The following TMED5 variants were observed in gnomAD, a reference collection of about 807,000 sequenced individuals.
The protein encoded by TMED5 is transmembrane emp24 domain-containing protein 5.
A neutral mutation model predicts 23.0 loss-of-function variants in TMED5; 27 were observed. The ratio of observed to expected loss-of-function variants is 1.17; its 90% CI spans 0.86 to 1.62. The LOEUF is 1.62. Ranked by LOEUF, TMED5 falls within the 40% of genes most tolerant of loss-of-function variation. The pLI, the probability that TMED5 is intolerant of heterozygous loss-of-function variation, is 0.00. For synonymous variants in TMED5, 97 were observed against 100.8 expected (o/e 0.96, Z 0.23); for missense variants, 248 against 273.7 (o/e 0.91, Z 0.66).
Position 93,152,702 on chromosome 1 carries a change from A to AACCTATGAT in TMED5, c.*1967_*1968insATCATAGGT, listed in dbSNP as rs1647921487. 6.6e-6 allele frequency: 1 copy of AACCTATGAT among 152,564 alleles called. No individual in the cohort carries two copies. The highest frequency in any genetic ancestry group is 1.5e-5 in the Non-Finnish European group (1 of 68,004). 9.5% of individuals were successfully genotyped at this position (152,564 alleles called of 1,614,324 possible). On this transcript the variant is annotated 3_prime_UTR_variant, in exon 4 of 4. Transcript: ENST00000370282. ...CCATACAGGAGAGGTAGAATTCTTA[A>AACCTATGAT]TCACAGTTTTATAGAAAAGATGCAG...
intron 1 of TMED5, among the ~76,000 whole-genome samples, chr1:93,168,454 G>A (rs1648582129): frequency 6.6e-6 from 1 of 152,202 alleles, no homozygotes; most frequent in Admixed American, 6.5e-5. Flanking sequence ...GATATACCGT[G>A]TTAACACTAA....
chr1:93,161,342 T>TA (rs1235139039), intron 1 of TMED5: 1 of 152,092 alleles, frequency 6.6e-6, no homozygotes, highest in Non-Finnish European at 1.5e-5. Flanking sequence ...ATACAGCAAA[T>TA]AAGTGACATG....
chr1:93,157,537 G>C (rs1648115813), intron 2 of TMED5, among the ~76,000 whole-genome samples: 1 of 151,980 alleles, frequency 6.6e-6, no homozygotes, highest in Admixed American at 6.6e-5. Flanking sequence ...GATTAGCCTG[G>C]GCAAAAGTGA....
chr1:93,154,736 C>G lies in TMED5; in HGVS notation c.624G>C (p.Val208=). Residue 208 remains valine (V), a synonymous_variant, in exon 4 of 4, where the codon GTG becomes GTC. Coordinates refer to ENST00000370282, the MANE Select transcript of TMED5 (RefSeq NM_016040.5). ...GCATATAAACTTGAATGGCTGACAC[C>G]ACCACCATGACCACTAAATTAACCA... is the stretch of plus-strand genomic sequence containing the variant. ...WSMVNLVVMV[V]VSAIQVYMLK... is the part of the protein sequence containing the mutation. The G allele has an allele frequency of 1.9e-6, 3 of 1,613,922 alleles. No individual in the cohort carries two copies. The highest frequency in any genetic ancestry group is 2.5e-6 in the Non-Finnish European group (3 of 1,179,966).
rs1648219510 is a variant in TMED5 at position 93,160,195 on chromosome 1, A to G, written c.221T>C (p.Phe74Ser). The change falls in exon 2 of 4, where the codon TTC (phenylalanine) becomes TCC (serine). Residue 74 changes from phenylalanine to serine, a missense_variant. Phe to Ser is a radical substitution (Grantham distance 155). Coordinates refer to ENST00000370282, the MANE Select transcript of TMED5 (RefSeq NM_016040.5). Reference protein sequence around the residue: ...VLDGAGLDIDFHLASPEGKTL... With the variant: ...VLDGAGLDIDSHLASPEGKTL... ...TTTGCCTTCTGGAGAGGCAAGATGGAAATCAATATCTAATCCTGCTCCATC... is the reference window on the plus strand; with the variant it reads ...TTTGCCTTCTGGAGAGGCAAGATGGGAATCAATATCTAATCCTGCTCCATC... The G allele has an allele frequency of 3.1e-6, 5 of 1,612,816 alleles. No individual in the cohort carries two copies. In the East Asian group the frequency reaches 1.1e-4, roughly 36 times the overall value.
chr1:93,168,768 G>C (rs1275361360), intron 1 of TMED5, among the ~76,000 whole-genome samples: 2 of 152,220 alleles, frequency 1.3e-5, no homozygotes, highest in African/African-American at 4.8e-5. Context: ...CTGGGAGGTG[G>C]AGGTTGCAGT....
intron 1 of TMED5, among the ~76,000 whole-genome samples, chr1:93,167,160 A>G (rs949397005): frequency 3.9e-5 from 6 of 152,114 alleles, no homozygotes. Context: ...TTTGGTTACT[A>G]TATCTCTGTA....
chr1:93,170,568 C>T (rs1471818627), intron 1 of TMED5, among the ~76,000 whole-genome samples: 2 of 152,228 alleles, frequency 1.3e-5, no homozygotes, highest in Non-Finnish European at 2.9e-5. Context: ...ACTCCCTGCT[C>T]CACGGCACCC....
intron 1 of TMED5, among the ~76,000 whole-genome samples, chr1:93,174,085 G>A (rs1004681986): frequency 3.9e-5 from 6 of 152,048 alleles, no homozygotes; most frequent in Admixed American, 3.9e-4. Context: ...AGCCTCCCGA[G>A]TAGCTGGGAC....
chr1:93,171,193 C>T (rs566391760), intron 1 of TMED5, among the ~76,000 whole-genome samples: 45 of 152,276 alleles, frequency 3.0e-4, no homozygotes, highest in South Asian at 4.2e-4. Flanking sequence ...ACTCCAGACA[C>T]GCCACCTTAA....
At chr1:93,155,986 T>A (rs912963042) in intron 3 of TMED5, 10 of 937,196 alleles carry the variant, frequency 1.1e-5, no homozygotes, top group African/African-American at 1.0e-4. Context: ...AGAAGCATAA[T>A]CTATTTATAA....
Position 93,151,338 on chromosome 1 carries a change from CA to C in TMED5, c.*3331del. The C allele has an allele frequency of 6.6e-6, 1 of 152,272 alleles. No individual in the cohort carries two copies. Among genetic ancestry groups the C allele is most frequent in the South Asian group, 2.1e-4 (1 of 4,828 alleles). 9.4% of individuals were successfully genotyped at this position (152,272 alleles called of 1,614,324 possible). ...CAAATAATAACCTACCTACACCAAG[CA>C]TTGTACTTTTCCTATATGCTAACAA... On this transcript the variant is annotated 3_prime_UTR_variant, in exon 4 of 4. Transcript: ENST00000370282.
intron 1 of TMED5, among the ~76,000 whole-genome samples, chr1:93,168,229 G>A (rs1648575775): frequency 6.6e-6 from 1 of 152,144 alleles, no homozygotes; most frequent in African/African-American, 2.4e-5. Flanking sequence ...GGGGAAAGAT[G>A]TAAAAAGAAG....
chr1:93,170,353 C>A (rs1013696336), intron 1 of TMED5, among the ~76,000 whole-genome samples: 1 of 152,224 alleles, frequency 6.6e-6, no homozygotes, highest in African/African-American at 2.4e-5. Context: ...CGCGGCCCCG[C>A]ACTGGGAGCG....
intron 1 of TMED5, among the ~76,000 whole-genome samples, chr1:93,175,299 C>CCA (rs1553160162): frequency 9.0e-6 from 1 of 110,642 alleles, no homozygotes; most frequent in African/African-American, 3.2e-5. Context: ...TCCCTTATGC[C>CCA]TATATATATA....
intron 1 of TMED5, among the ~76,000 whole-genome samples, chr1:93,170,620 G>A (rs946213858): frequency 1.3e-5 from 2 of 152,200 alleles, no homozygotes; most frequent in Admixed American, 6.5e-5. Context: ...GCAGGCGCAC[G>A]GCATGGGACT....
Position 93,154,833 on chromosome 1 carries a change from A to G in TMED5, c.527T>C (p.Leu176Pro), listed in dbSNP as rs779053937. 2 of 1,614,014 alleles carry G rather than the reference A, an allele frequency of 1.2e-6. No homozygotes were observed. Among genetic ancestry groups the G allele is most frequent in the East Asian group, 4.5e-5 (2 of 44,886 alleles). ...RLSKSGHIQT[L>P]LRAFEARDRN... ...ATCACGAGCTTCAAATGCTCTAAGC[A>G]GAGTTTGTATGTGCCCACTTTTGCT... The change falls in exon 4 of 4, where the codon CTG (leucine) becomes CCG (proline). Residue 176 changes from leucine to proline, a missense_variant. By Grantham distance (98) the Leu-to-Pro change is moderately conservative. Transcript: ENST00000370282.
chr1:93,171,578 C>T (rs1388048927), intron 1 of TMED5, among the ~76,000 whole-genome samples: 1 of 152,190 alleles, frequency 6.6e-6, no homozygotes, highest in Non-Finnish European at 1.5e-5. Context: ...TAACCTCCCC[C>T]AAAAGAAAGG....
intron 1 of TMED5, among the ~76,000 whole-genome samples, chr1:93,168,877 T>C (rs1433352335): frequency 2.0e-5 from 3 of 152,108 alleles, no homozygotes; most frequent in African/African-American, 2.4e-5. Context: ...CTATAATAAA[T>C]GGTCAACTTT....
Sources: allele counts gnomAD v4.1 joint callset (sites outside exome capture counted in the v4.1 genomes callset), GRCh38; gene constraint gnomAD v4.1.1; transcripts MANE v1.5; gene names NCBI Gene and HGNC (gene_info 2026-07-23, HGNC 2026-07-21).